Variants in EPHA5 observed in about 807,000 individuals in gnomAD.
EPHA5 encodes ephrin type-A receptor 5.
In EPHA5, 60 loss-of-function variants were observed where a neutral mutation model predicts 105.0. The observed-to-expected ratio is 0.57, with a 90% confidence interval of 0.46 to 0.71. The LOEUF is 0.71. Ranked by LOEUF, EPHA5 falls within the 30% of genes least tolerant of loss-of-function variation. EPHA5 has a pLI of 0.00. For synonymous variants in EPHA5, 513 were observed against 449.1 expected (o/e 1.14, Z -1.80); for missense variants, 1,218 against 1,274.7 (o/e 0.96, Z 0.68).
At chr4:65,518,656 T>G (rs764926052) in intron 3 of EPHA5, among the ~76,000 whole-genome samples, 99 of 152,116 alleles carry the variant, frequency 6.5e-4, no homozygotes, top group Admixed American at 1.3e-3. Flanking sequence ...AGATGTACCC[T>G]AGGACAGGAA....
At chr4:65,372,889 A>G (rs1329455118) in intron 8 of EPHA5, among the ~76,000 whole-genome samples, 1 of 151,912 alleles carries the variant, frequency 6.6e-6, no homozygotes, top group Non-Finnish European at 1.5e-5. Context: ...TAAATTCTTC[A>G]AATCCTTTTA....
In EPHA5 at chr4:65,485,687, A is replaced by G. The variant is rs1443951006; in HGVS notation, c.1402+4690T>C. On this transcript the variant is annotated intron_variant, in intron 5 of 16. Transcript: ENST00000613740. ...GAACACACCTATTTTTCCTTCTTAC[A>G]CTTTTTGAATCCAATTTTGAATCTG... 2.6e-5 allele frequency among the ~76,000 whole-genome samples: 4 copies of G among 152,120 alleles called. No individual in the cohort carries two copies. The East Asian group carries it at 5.8e-4, about 22-fold the overall frequency.
At chr4:65,615,738 C>T (rs1480509628) in intron 2 of EPHA5, among the ~76,000 whole-genome samples, 1 of 151,820 alleles carries the variant, frequency 6.6e-6, no homozygotes, top group Non-Finnish European at 1.5e-5. Context: ...TGAGATGTCA[C>T]CATACCCCTA....
intron 3 of EPHA5, among the ~76,000 whole-genome samples, chr4:65,567,149 T>C (rs1188176714): frequency 1.3e-5 from 2 of 151,678 alleles, no homozygotes; most frequent in East Asian, 1.9e-4. Flanking sequence ...AGTTCATAGA[T>C]CTTTATAAGA....
intron 2 of EPHA5, among the ~76,000 whole-genome samples, chr4:65,624,473 G>A (rs1342500026): frequency 6.6e-6 from 1 of 152,096 alleles, no homozygotes; most frequent in Non-Finnish European, 1.5e-5. Context: ...TTACTAAAGG[G>A]TGAGTTTTCT....
intron 3 of EPHA5, among the ~76,000 whole-genome samples, chr4:65,546,150 A>C (rs1047707480): frequency 9.2e-5 from 14 of 151,950 alleles, no homozygotes; most frequent in African/African-American, 3.4e-4. Flanking sequence ...ATTTTAACTT[A>C]CTGCATTTTA....
intron 5 of EPHA5, among the ~76,000 whole-genome samples, chr4:65,427,610 C>T (rs1724571865): frequency 2.0e-5 from 3 of 152,182 alleles, no homozygotes; most frequent in African/African-American, 7.2e-5. Flanking sequence ...CATTCTTTCA[C>T]TTCTTCACAA....
At chr4:65,656,012 G>A (rs934507129) in intron 1 of EPHA5, among the ~76,000 whole-genome samples, 1 of 151,260 alleles carries the variant, frequency 6.6e-6, no homozygotes, top group South Asian at 2.1e-4. Flanking sequence ...AGAAGTACAA[G>A]CATATGGAGG....
chr4:65,401,917 G>C (rs889984143), intron 8 of EPHA5, among the ~76,000 whole-genome samples: 2 of 151,800 alleles, frequency 1.3e-5, no homozygotes, highest in East Asian at 3.9e-4. Flanking sequence ...GAGAGAGAGA[G>C]AGAGAGAGAG....
At chr4:65,533,295 C>T (rs1735996602) in intron 3 of EPHA5, among the ~76,000 whole-genome samples, 1 of 152,060 alleles carries the variant, frequency 6.6e-6, no homozygotes, top group Non-Finnish European at 1.5e-5. Flanking sequence ...TTTGCCATAT[C>T]TTTACTTCTA....
chr4:65,531,194 C>T (rs542428618), intron 3 of EPHA5, among the ~76,000 whole-genome samples: 22 of 150,290 alleles, frequency 1.5e-4, no homozygotes, highest in Non-Finnish European at 3.1e-4. Flanking sequence ...CCCGCCACCG[C>T]GCCCGGCTAA....
At chr4:65,435,615 C>T (rs923277418) in intron 5 of EPHA5, among the ~76,000 whole-genome samples, 10 of 151,926 alleles carry the variant, frequency 6.6e-5, no homozygotes, top group African/African-American at 2.4e-4. Flanking sequence ...TTTCTTTTTC[C>T]GCTTGTTATC....
chr4:65,549,108 G>A (rs544613169), intron 3 of EPHA5, among the ~76,000 whole-genome samples: 4 of 152,046 alleles, frequency 2.6e-5, no homozygotes, highest in Non-Finnish European at 5.9e-5. Flanking sequence ...CAAAACCAAA[G>A]AGCAACATAA....
chr4:65,489,318 G>C (rs1447286851), intron 5 of EPHA5, among the ~76,000 whole-genome samples: 2 of 152,146 alleles, frequency 1.3e-5, no homozygotes, highest in Admixed American at 6.5e-5. Flanking sequence ...ATCAAGGCTA[G>C]CATCCCGCAA....
At chr4:65,396,319 T>C (rs1373712506) in intron 8 of EPHA5, among the ~76,000 whole-genome samples, 1 of 152,202 alleles carries the variant, frequency 6.6e-6, no homozygotes, top group Non-Finnish European at 1.5e-5. Flanking sequence ...GGGAATATTG[T>C]AAAGTATTCA....
At chr4:65,493,897 G>T (rs1731669001) in intron 4 of EPHA5, among the ~76,000 whole-genome samples, 1 of 152,004 alleles carries the variant, frequency 6.6e-6, no homozygotes, top group Admixed American at 6.6e-5. Flanking sequence ...AATAAAATTT[G>T]AAAGATAATT....
At chr4:65,660,364 T>A (rs1749452528) in intron 1 of EPHA5, among the ~76,000 whole-genome samples, 1 of 152,158 alleles carries the variant, frequency 6.6e-6, no homozygotes, top group Non-Finnish European at 1.5e-5. Context: ...TCACCTTGGA[T>A]AGCTCTATAG....
In EPHA5 at chr4:65,441,105, C is replaced by T. The variant is rs142972505; in HGVS notation, c.1403-20540G>A. Among the ~76,000 whole-genome samples, 602 of 151,814 alleles carry T rather than the reference C, an allele frequency of 4.0e-3. 7 individuals carry two copies. Among genetic ancestry groups the T allele is most frequent in the African/African-American group, 0.014 (583 of 41,418 alleles). On this transcript the variant is annotated intron_variant, in intron 5 of 16. Transcript: ENST00000613740. ...GTTAACAATTTAAAGATGGATAATC[C>T]CTGTCAATATACTATATTAATTTTC...
intron 5 of EPHA5, among the ~76,000 whole-genome samples, chr4:65,455,926 G>T (rs1416501598): frequency 2.0e-5 from 3 of 152,098 alleles, no homozygotes; most frequent in Admixed American, 2.0e-4. Flanking sequence ...TCCCAAACTC[G>T]TTTCTTACAC....
Sources: allele counts gnomAD v4.1 joint callset (sites outside exome capture counted in the v4.1 genomes callset), GRCh38; gene constraint gnomAD v4.1.1; transcripts MANE v1.5; gene names NCBI Gene and HGNC (gene_info 2026-07-23, HGNC 2026-07-21).